Variants in GLYATL2 observed in about 807,000 individuals in gnomAD.
The protein encoded by GLYATL2 is glycine-N-acyltransferase like 2.
Under a neutral mutation model 21.4 loss-of-function variants are expected in GLYATL2, and 25 were observed. That is an observed-to-expected ratio of 1.17 (90% CI 0.85 to 1.63). GLYATL2 has a LOEUF of 1.63. Among genes scored for constraint, GLYATL2 ranks in the 40% most tolerant of loss-of-function variants. The probability of loss-of-function intolerance (pLI) is 0.00; values close to 1 mark genes in which losing one functional copy is unlikely to be tolerated. For synonymous variants in GLYATL2, 114 were observed against 118.2 expected (o/e 0.96, Z 0.23); for missense variants, 361 against 343.3 (o/e 1.05, Z -0.41).
intron 1 of GLYATL2, among the ~76,000 whole-genome samples, chr11:58,865,437 T>A (rs1050788668): frequency 1.3e-5 from 2 of 149,192 alleles, no homozygotes; most frequent in African/African-American, 4.8e-5. Flanking sequence ...TTGTGTAAAC[T>A]AATTCAACTA....
chr11:58,882,328 C>G (rs1479377302), intron 1 of GLYATL2, among the ~76,000 whole-genome samples: 1 of 152,146 alleles, frequency 6.6e-6, no homozygotes, highest in East Asian at 1.9e-4. Context: ...TCTCTGATGA[C>G]CAGTGATGAT....
At chr11:58,840,262 G>A (rs1023973235) in intron 1 of GLYATL2, among the ~76,000 whole-genome samples, 3 of 152,088 alleles carry the variant, frequency 2.0e-5, no homozygotes, top group African/African-American at 7.2e-5. Context: ...CTTAAAAATA[G>A]ACCAAACTCT....
intron 1 of GLYATL2, among the ~76,000 whole-genome samples, chr11:58,871,367 T>C (rs1402965361): frequency 6.6e-6 from 1 of 152,032 alleles, no homozygotes; most frequent in Non-Finnish European, 1.5e-5. Flanking sequence ...ATGTGCCATG[T>C]TGGTGTGCTG....
chr11:58,907,714 C>A (rs1200752063), upstream of GLYATL2: 1 of 199,082 alleles, frequency 5.0e-6, no homozygotes. Flanking sequence ...GTTAATTTCA[C>A]AACTTTGGGT....
intron 1 of GLYATL2, among the ~76,000 whole-genome samples, chr11:58,874,835 G>A (rs574583645): frequency 6.6e-6 from 1 of 152,116 alleles, no homozygotes; most frequent in Non-Finnish European, 1.5e-5. Context: ...TTCAATTCCT[G>A]GGTATCCTTG....
At chr11:58,860,734 G>C (rs1853915718) in intron 1 of GLYATL2, among the ~76,000 whole-genome samples, 1 of 152,004 alleles carries the variant, frequency 6.6e-6, no homozygotes. Flanking sequence ...TTAGCTGTGG[G>C]TTTATCATAT....
chr11:58,857,553 A>C (rs556659756), intron 1 of GLYATL2, among the ~76,000 whole-genome samples: 3 of 152,212 alleles, frequency 2.0e-5, no homozygotes, highest in African/African-American at 7.2e-5. Context: ...AACCGTTACC[A>C]CTAGTGCTAC....
At chr11:58,853,589 A>C (rs1641997684) in intron 1 of GLYATL2, among the ~76,000 whole-genome samples, 1 of 152,196 alleles carries the variant, frequency 6.6e-6, no homozygotes, top group Non-Finnish European at 1.5e-5. Context: ...GGAGAAAAAG[A>C]AATGAATATT....
intron 1 of GLYATL2, among the ~76,000 whole-genome samples, chr11:58,901,259 G>A (rs369053038): frequency 6.6e-6 from 1 of 152,164 alleles, no homozygotes; most frequent in Non-Finnish European, 1.5e-5. Context: ...TCCAACCAAA[G>A]GTATCAAAAC....
At chr11:58,887,624 A>T (rs1854466622) in intron 1 of GLYATL2, among the ~76,000 whole-genome samples, 1 of 152,106 alleles carries the variant, frequency 6.6e-6, no homozygotes, top group Non-Finnish European at 1.5e-5. Context: ...TCACTTTTTA[A>T]TTTGCCTTTC....
At chr11:58,847,112 GA>G (rs1853657821), upstream of GLYATL2, among the ~76,000 whole-genome samples, 1 of 151,890 alleles carries the variant, frequency 6.6e-6, no homozygotes, top group Admixed American at 6.6e-5. Context: ...TCTCTGCATT[GA>G]AAAAAAGGAT....
intron 2 of GLYATL2, among the ~76,000 whole-genome samples, chr11:58,838,727 C>G (rs1282367486): frequency 6.6e-6 from 1 of 151,970 alleles, no homozygotes; most frequent in African/African-American, 2.4e-5. Flanking sequence ...ATGAAAAACT[C>G]AAAGGTGAAT....
chr11:58,870,412 C>T (rs563690227), intron 1 of GLYATL2, among the ~76,000 whole-genome samples: 1 of 152,212 alleles, frequency 6.6e-6, no homozygotes, highest in Non-Finnish European at 1.5e-5. Context: ...TTAGAGGGCT[C>T]TTATAAGGCT....
intron 1 of GLYATL2, among the ~76,000 whole-genome samples, chr11:58,875,829 G>A (rs1215585995): frequency 6.6e-6 from 1 of 152,196 alleles, no homozygotes; most frequent in Non-Finnish European, 1.5e-5. Flanking sequence ...GAATCTGAAT[G>A]TTGGCCTGCC....
intron 2 of GLYATL2, 97 bp downstream of exon 2, chr11:58,839,438 C>T: frequency 1.5e-6 from 1 of 653,730 alleles, no homozygotes; most frequent in African/African-American, 1.8e-5. Context: ...TCACTTTAGA[C>T]TTGCATTCCC....
chr11:58,876,886 G>T (rs1391763665), intron 1 of GLYATL2, among the ~76,000 whole-genome samples: 2 of 152,260 alleles, frequency 1.3e-5, no homozygotes, highest in East Asian at 3.8e-4. Context: ...TGCCCTCAGA[G>T]GTAGAGCCTA....
chr11:58,870,605 G>A (rs1323674550), intron 1 of GLYATL2, among the ~76,000 whole-genome samples: 1 of 152,146 alleles, frequency 6.6e-6, no homozygotes, highest in Non-Finnish European at 1.5e-5. Flanking sequence ...ACCCTACTTG[G>A]GGCACAGTTT....
At chr11:58,867,671 C>T (rs947934318) in intron 1 of GLYATL2, among the ~76,000 whole-genome samples, 1 of 148,984 alleles carries the variant, frequency 6.7e-6, no homozygotes, top group African/African-American at 2.4e-5. Context: ...CATGTTCATG[C>T]CAGAATCTAA....
At chr11:58,857,830 T>C (rs1250201914) in intron 1 of GLYATL2, among the ~76,000 whole-genome samples, 3 of 145,936 alleles carry the variant, frequency 2.1e-5, no homozygotes, top group Non-Finnish European at 4.4e-5. Flanking sequence ...GATCCCTTTC[T>C]CACTGTTGCC....
Sources: allele counts gnomAD v4.1 joint callset (sites outside exome capture counted in the v4.1 genomes callset), GRCh38; gene constraint gnomAD v4.1.1; transcripts MANE v1.5; gene names NCBI Gene and HGNC (gene_info 2026-07-23, HGNC 2026-07-21).